The following PRKCQ variants were observed in gnomAD, a reference collection of about 807,000 sequenced individuals.
PRKCQ encodes protein kinase C theta type.
Under a neutral mutation model 91.2 loss-of-function variants are expected in PRKCQ, and 41 were observed. That is an observed-to-expected ratio of 0.45 (90% CI 0.35 to 0.58). The LOEUF (loss-of-function observed/expected upper bound fraction) is 0.58. PRKCQ is among the 20% of genes least tolerant of loss of function. The pLI is 0.00. For missense variants in PRKCQ, 673 were observed against 896.5 expected (o/e 0.75, Z 3.18); for synonymous variants, 307 against 316.9 (o/e 0.97, Z 0.33).
intron 1 of PRKCQ, among the ~76,000 whole-genome samples, chr10:6,521,838 A>G (rs1839015229): frequency 6.6e-6 from 1 of 152,192 alleles, no homozygotes; most frequent in South Asian, 2.1e-4. Flanking sequence ...TGTCCATCCA[A>G]TCTTCCAAGC....
intron 4 of PRKCQ, among the ~76,000 whole-genome samples, chr10:6,504,047 G>GATTATAGGC (rs762481008): frequency 8.9e-4 from 135 of 152,284 alleles, no homozygotes; most frequent in Non-Finnish European, 1.7e-3. Context: ...AAAGTGCTGG[G>GATTATAGGC]ATTATAGGCA....
intron 1 of PRKCQ, among the ~76,000 whole-genome samples, chr10:6,561,522 C>T (rs940966276): frequency 6.6e-6 from 1 of 152,040 alleles, no homozygotes; most frequent in Non-Finnish European, 1.5e-5. Context: ...AGAAATTTGA[C>T]GTGAACCTAC....
chr10:6,449,334 T>C (rs554321029), intron 15 of PRKCQ, among the ~76,000 whole-genome samples: 265 of 151,588 alleles, frequency 1.7e-3, no homozygotes, highest in African/African-American at 6.2e-3. Context: ...AGAGTATCAG[T>C]GATGGAAGAT....
At chr10:6,491,541 A>C in intron 8 of PRKCQ, 142 bp downstream of exon 8, 1 of 1,157,598 alleles carries the variant, frequency 8.6e-7, no homozygotes, top group African/African-American at 1.5e-5. Context: ...ATTGCCCCAG[A>C]AGACCATACT....
At chr10:6,453,385 A>C (rs1411868739) in intron 15 of PRKCQ, among the ~76,000 whole-genome samples, 1 of 152,216 alleles carries the variant, frequency 6.6e-6, no homozygotes, top group African/African-American at 2.4e-5. Context: ...ATCTCACACC[A>C]GTTAGAATGG....
the PRKCQ span, among the ~76,000 whole-genome samples, chr10:6,411,470 G>A: frequency 6.6e-6 from 1 of 152,160 alleles, no homozygotes; most frequent in Admixed American, 6.5e-5. Flanking sequence ...AAATTCCTAT[G>A]GTGGTAAGTG....
chr10:6,477,412 T>A (rs1266711532), intron 12 of PRKCQ, among the ~76,000 whole-genome samples: 1 of 152,238 alleles, frequency 6.6e-6, no homozygotes, highest in Non-Finnish European at 1.5e-5. Context: ...ATTGCACATA[T>A]GCTGAGAATC....
intron 16 of PRKCQ, among the ~76,000 whole-genome samples, chr10:6,441,122 C>T (rs906767187): frequency 6.6e-6 from 1 of 152,134 alleles, no homozygotes; most frequent in African/African-American, 2.4e-5. Flanking sequence ...GTCATACATC[C>T]TGTCCAAGAT....
intron 1 of PRKCQ, among the ~76,000 whole-genome samples, chr10:6,564,286 G>A (rs150124318): frequency 1.3e-5 from 2 of 152,204 alleles, no homozygotes; most frequent in East Asian, 1.9e-4. Context: ...GCTCAATCTC[G>A]GAAACTAAAC....
intron 1 of PRKCQ, among the ~76,000 whole-genome samples, chr10:6,527,087 G>A (rs1839227199): frequency 1.3e-5 from 2 of 152,168 alleles, no homozygotes; most frequent in African/African-American, 4.8e-5. Context: ...TCACAAGATG[G>A]GAGCACTGCG....
chr10:6,565,060 G>A (rs76419861), intron 1 of PRKCQ, among the ~76,000 whole-genome samples: 5,470 of 152,292 alleles, frequency 0.036, 138 homozygotes, highest in Middle Eastern at 0.13. Context: ...CTGGAGTTTC[G>A]TTTGAATTTT....
At chr10:6,549,288 G>C (rs1275061053) in intron 1 of PRKCQ, among the ~76,000 whole-genome samples, 1 of 152,196 alleles carries the variant, frequency 6.6e-6, no homozygotes, top group Non-Finnish European at 1.5e-5. Flanking sequence ...GGATTCATTA[G>C]AGTTCCCTTG....
At chr10:6,564,561 A>G (rs1002655536) in intron 1 of PRKCQ, among the ~76,000 whole-genome samples, 3 of 151,258 alleles carry the variant, frequency 2.0e-5, no homozygotes, top group Non-Finnish European at 4.4e-5. Flanking sequence ...GGGAATCTCA[A>G]CCTCCTAGCT....
rs374983781 is a variant in PRKCQ, at chr10:6,485,169, G to C, written c.1001C>G (p.Pro334Arg). 4.3e-6 allele frequency: 7 copies of C among 1,613,496 alleles called. No individual in the cohort carries two copies. The highest frequency in any genetic ancestry group is 5.1e-6 in the Non-Finnish European group (6 of 1,179,778). Residue 334 changes from proline to arginine, a missense_variant, in exon 10 of 18, where the codon CCG becomes CGG. Coordinates refer to ENST00000263125, the MANE Select transcript of PRKCQ (RefSeq NM_006257.5). Reference sequence around the variant, plus strand: ...ACAGCTACCTCTTTTTCCCGGTGTCGGTAAACATGGCGGCCTTGCTTCATT... The same window carrying C: ...ACAGCTACCTCTTTTTCCCGGTGTCCGTAAACATGGCGGCCTTGCTTCATT... ...IKNEARPPCL[P>R]TPGKREPQGI...
the PRKCQ span, among the ~76,000 whole-genome samples, chr10:6,409,556 A>G: frequency 6.6e-6 from 1 of 152,180 alleles, no homozygotes; most frequent in Non-Finnish European, 1.5e-5. Context: ...CGGCCTCCCA[A>G]AATGCTGGGA....
rs189242979 is a variant in PRKCQ, at chr10:6,499,765, G to C, written c.380-1207C>G. Among the ~76,000 whole-genome samples the C allele has an allele frequency of 8.7e-4, 133 of 152,324 alleles. 1 individual carries two copies. Among genetic ancestry groups the C allele is most frequent in the African/African-American group, 3.0e-3 (126 of 41,574 alleles). ...AAATTTCTTCTATTGTGGCTAAGCA[G>C]TGGCAGTAGCCTGACAATGCGTTTG... On this transcript the variant is annotated intron_variant, in intron 4 of 17. Coordinates refer to ENST00000263125, the MANE Select transcript of PRKCQ (RefSeq NM_006257.5).
At chr10:6,395,307 G>A in the PRKCQ span, among the ~76,000 whole-genome samples, 89,211 of 148,492 alleles carry the variant, frequency 0.6, 26,934 homozygotes, top group East Asian at 0.96. Context: ...CTCGTGATCC[G>A]CTCACCTCGG....
At chr10:6,415,746 C>G in the PRKCQ span, among the ~76,000 whole-genome samples, 2 of 140,278 alleles carry the variant, frequency 1.4e-5, no homozygotes, top group African/African-American at 2.7e-5. Flanking sequence ...CTCTCTCTCT[C>G]TTTTTTTTTT....
the PRKCQ span, among the ~76,000 whole-genome samples, chr10:6,402,181 C>T: frequency 6.6e-6 from 1 of 151,890 alleles, no homozygotes; most frequent in African/African-American, 2.4e-5. Flanking sequence ...GGGAACATCA[C>T]ACACCGGGGC....
Sources: allele counts gnomAD v4.1 joint callset (sites outside exome capture counted in the v4.1 genomes callset), GRCh38; gene constraint gnomAD v4.1.1; transcripts MANE v1.5; gene names NCBI Gene and HGNC (gene_info 2026-07-23, HGNC 2026-07-21).